SLC22A2: variants seen among roughly 807,000 people sequenced by gnomAD.
SLC22A2 encodes the protein organic cation transporter 2.
SLC22A2 carries 46 observed loss-of-function variants against 60.5 expected under a neutral mutation model. The ratio of observed to expected loss-of-function variants is 0.76; its 90% CI spans 0.60 to 0.97. SLC22A2 has a LOEUF of 0.97. Among genes scored for constraint, SLC22A2 ranks in the 50% least tolerant of loss-of-function variants. The probability of loss-of-function intolerance (pLI) is 0.00; values close to 1 mark genes in which losing one functional copy is unlikely to be tolerated. For synonymous variants in SLC22A2, 303 were observed against 267.0 expected (o/e 1.13, Z -1.31); for missense variants, 701 against 706.6 (o/e 0.99, Z 0.09).
At chr6:160,227,710 G>T (rs1782746155) in intron 9 of SLC22A2, among the ~76,000 whole-genome samples, 1 of 152,172 alleles carries the variant, frequency 6.6e-6, no homozygotes, top group Admixed American at 6.5e-5. Context: ...ATAGGGACTG[G>T]GTAAAATAAG....
At chr6:160,240,110 A>G (rs1383412035) in intron 9 of SLC22A2, among the ~76,000 whole-genome samples, 2 of 152,148 alleles carry the variant, frequency 1.3e-5, no homozygotes, top group African/African-American at 2.4e-5. Context: ...CTGAAAAGCA[A>G]TGAGCCACAG....
chr6:160,250,381 C>A, intron 3 of SLC22A2, 167 bp downstream of exon 3: 1 of 648,882 alleles, frequency 1.5e-6, no homozygotes, highest in Non-Finnish European at 2.7e-6. Context: ...AGGAGGAATG[C>A]TGAATGAGTT....
chr6:160,237,127 A>G (rs1782923116), intron 9 of SLC22A2, among the ~76,000 whole-genome samples: 1 of 152,186 alleles, frequency 6.6e-6, no homozygotes, highest in African/African-American at 2.4e-5. Flanking sequence ...TTCTTCCTGC[A>G]CTTTAGACTG....
At chr6:160,220,220 C>T (rs1308140380) in intron 10 of SLC22A2, among the ~76,000 whole-genome samples, 1 of 152,236 alleles carries the variant, frequency 6.6e-6, no homozygotes, top group African/African-American at 2.4e-5. Context: ...ACAATGTTCA[C>T]AGGATCTCCA....
intron 10 of SLC22A2, among the ~76,000 whole-genome samples, chr6:160,224,248 T>G: frequency 6.6e-6 from 1 of 152,074 alleles, no homozygotes; most frequent in East Asian, 1.9e-4. Flanking sequence ...ATTTAAGAGC[T>G]GTTTTTATTT....
At chr6:160,222,943 T>G (rs983494667) in intron 10 of SLC22A2, among the ~76,000 whole-genome samples, 2 of 152,210 alleles carry the variant, frequency 1.3e-5, no homozygotes, top group Admixed American at 1.3e-4. Context: ...ACTGGAGAAC[T>G]TGGTGGCCTG....
intron 9 of SLC22A2, among the ~76,000 whole-genome samples, chr6:160,229,242 C>G (rs1301166632): frequency 6.6e-6 from 1 of 151,828 alleles, no homozygotes; most frequent in Non-Finnish European, 1.5e-5. Context: ...CTCTCACTAT[C>G]CCTCAACCTC....
chr6:160,230,663 G>C (rs1782807102), intron 9 of SLC22A2, among the ~76,000 whole-genome samples: 1 of 151,930 alleles, frequency 6.6e-6, no homozygotes, highest in Non-Finnish European at 1.5e-5. Context: ...TGCCTCCACT[G>C]TGAGACAAAC....
At chr6:160,258,045 C>A in intron 1 of SLC22A2, 1 of 350,592 alleles carries the variant, frequency 2.9e-6, no homozygotes, top group Non-Finnish European at 5.2e-6. Context: ...TCCACAATAT[C>A]CCTATCTTGG....
At chr6:160,223,317 G>GT (rs1280336403) in intron 10 of SLC22A2, among the ~76,000 whole-genome samples, 2 of 152,140 alleles carry the variant, frequency 1.3e-5, no homozygotes, top group African/African-American at 4.8e-5. Flanking sequence ...CCTTCTACCT[G>GT]TATCTCACAG....
chr6:160,242,533 A>G (rs1783026898), intron 7 of SLC22A2, 131 bp from the exon 8 acceptor site: 2 of 650,464 alleles, frequency 3.1e-6, no homozygotes, highest in Non-Finnish European at 5.6e-6. Flanking sequence ...GACTTCTTCT[A>G]TAGGCTCATG....
rs8177506 is a variant in SLC22A2, at chr6:160,258,804, G to A, written c.-47C>T. 1.2e-5 allele frequency: 18 copies of A among 1,497,320 alleles called. No homozygotes were observed. The highest frequency in any genetic ancestry group is 1.6e-5 in the Non-Finnish European group (18 of 1,123,614). 92.8% of individuals were successfully genotyped at this position (1,497,320 alleles called of 1,614,324 possible). A position where few individuals can be genotyped will look rare whatever the true frequency, so the allele number is the denominator to read the frequency against. Reference sequence around the variant, plus strand: ...CGAGGCTGCCCGACGTGCCCGGAGCGAGGCTGAGAGCGGCTGCAGCCAGCT... The same window carrying A: ...CGAGGCTGCCCGACGTGCCCGGAGCAAGGCTGAGAGCGGCTGCAGCCAGCT... On this transcript the variant is annotated 5_prime_UTR_variant, in exon 1 of 11. Coordinates refer to ENST00000366953, the MANE Select transcript of SLC22A2 (RefSeq NM_003058.4).
chr6:160,248,046 A>G (rs1783124150), intron 4 of SLC22A2, among the ~76,000 whole-genome samples: 1 of 152,166 alleles, frequency 6.6e-6, no homozygotes. Flanking sequence ...GTGGAAGTGT[A>G]ATAGAGACAG....
intron 9 of SLC22A2, among the ~76,000 whole-genome samples, chr6:160,238,393 A>G (rs887000346): frequency 6.6e-6 from 1 of 152,250 alleles, no homozygotes; most frequent in Non-Finnish European, 1.5e-5. Context: ...AACAAGAAAC[A>G]CATTCAGCTG....
chr6:160,243,720 G>A lies in SLC22A2; in HGVS notation c.1131C>T (p.Tyr377=), dbSNP rs2114864654. 2 of 1,613,964 alleles carry A rather than the reference G, an allele frequency of 1.2e-6. No homozygotes were observed. The highest frequency in any genetic ancestry group is 1.7e-6 in the Non-Finnish European group (2 of 1,179,898). ...CCAGGGCAGAGTAGAAGAAATCCAG[G>A]TAGATATTGTCACCTGCAAGGCCCA... ...MHMGLAGDNI[Y]LDFFYSALVE... Residue 377 remains tyrosine (Y), a synonymous_variant, in exon 7 of 11, where the codon TAC becomes TAT. Coordinates refer to ENST00000366953, the MANE Select transcript of SLC22A2 (RefSeq NM_003058.4).
In SLC22A2 at chr6:160,240,128, TG is replaced by T. The variant is rs535716591; in HGVS notation, c.1501+1345del. Reference sequence around the variant, plus strand: ...AAAAGCAATGAGCCACAGACACATCTGTGGCTGTTTTTACAAAGAGGCTTTC... The same window carrying T: ...AAAAGCAATGAGCCACAGACACATCTTGGCTGTTTTTACAAAGAGGCTTTC... On this transcript the variant is annotated intron_variant, in intron 9 of 10. Transcript: ENST00000366953. 8.4e-4 allele frequency among the ~76,000 whole-genome samples: 128 copies of T among 152,236 alleles called. 1 individual carries two copies. Among genetic ancestry groups the T allele is most frequent in the African/African-American group, 3.0e-3 (123 of 41,550 alleles).
intron 10 of SLC22A2, among the ~76,000 whole-genome samples, chr6:160,218,532 CAGT>C (rs1306466303): frequency 1.3e-5 from 2 of 152,378 alleles, no homozygotes; most frequent in African/African-American, 2.4e-5. Context: ...GCAACAGTAA[CAGT>C]AGCAGCAACA....
chr6:160,241,540 T>C lies in SLC22A2; in HGVS notation c.1435A>G (p.Ile479Val). ...CGGTAGACCAGGAATGGCGTGATGA[T>C]GCCACCAATGTCACACATTGAGGAA... Reference protein sequence around the residue: ...ICSSMCDIGGIITPFLVYRLT... With the variant: ...ICSSMCDIGGVITPFLVYRLT... Residue 479 changes from isoleucine (I) to valine (V), a missense_variant, in exon 9 of 11, where the codon ATC (isoleucine) becomes GTC (valine). By Grantham distance (29) the Ile-to-Val change is conservative. Transcript: ENST00000366953. 1 of 1,613,740 alleles carries C rather than the reference T, an allele frequency of 6.2e-7. No individual in the cohort carries two copies. Among genetic ancestry groups the C allele is most frequent in the South Asian group, 1.1e-5 (1 of 91,064 alleles).
chr6:160,227,049 A>T (rs542176395), intron 9 of SLC22A2, among the ~76,000 whole-genome samples: 2 of 152,328 alleles, frequency 1.3e-5, no homozygotes, highest in African/African-American at 4.8e-5. Flanking sequence ...ACCCCAAAAT[A>T]TATTTCTTTG....
Sources: allele counts gnomAD v4.1 joint callset (sites outside exome capture counted in the v4.1 genomes callset), GRCh38; gene constraint gnomAD v4.1.1; transcripts MANE v1.5; gene names NCBI Gene and HGNC (gene_info 2026-07-23, HGNC 2026-07-21).